Variants in LRP1 observed in about 807,000 individuals in gnomAD.
LRP1 encodes the protein prolow-density lipoprotein receptor-related protein 1.
In LRP1, 51 loss-of-function variants were observed where a neutral mutation model predicts 541.5. The ratio of observed to expected loss-of-function variants is 0.09; its 90% CI spans 0.08 to 0.12. LRP1 has a LOEUF of 0.12. Among genes scored for constraint, LRP1 ranks in the 10% least tolerant of loss-of-function variants. LRP1 has a pLI of 1.00. For synonymous variants in LRP1, 2,219 were observed against 2,470.8 expected (o/e 0.90, Z 3.02); for missense variants, 3,878 against 6,376.2 (o/e 0.61, Z 13.34).
chr12:57,200,496 G>T lies in LRP1; in HGVS notation c.10069G>T (p.Asp3357Tyr). The T allele has an allele frequency of 6.2e-7, 1 of 1,613,832 alleles. No homozygotes were observed. The highest frequency in any genetic ancestry group is 2.2e-5 in the East Asian group (1 of 44,852). ...IPFWWKCDTE[D>Y]DCGDHSDEPP... ...CTTCTGGTGGAAGTGTGACACCGAG[G>T]ACGACTGCGGGGACCACTCAGACGA... The change falls in exon 63 of 89, where the codon GAC becomes TAC. Residue 3357 changes from aspartate to tyrosine, a missense_variant. This residue lies in a region of LRP1 where 278 missense variants were observed against 536.3 expected (regional missense o/e 0.52). Coordinates refer to ENST00000243077, the MANE Select transcript of LRP1 (RefSeq NM_002332.3).
chr12:57,156,947 C>T lies in LRP1; in HGVS notation c.1561+27C>T. ...TGAGTGACAGGGAAGGGGGTGTGTGCCCATTGGGAGGCTGCGGGAGGGTTC... is the reference window on the plus strand; with the variant it reads ...TGAGTGACAGGGAAGGGGGTGTGTGTCCATTGGGAGGCTGCGGGAGGGTTC... On this transcript the variant is annotated intron_variant, in intron 10 of 88. Coordinates refer to ENST00000243077, the MANE Select transcript of LRP1 (RefSeq NM_002332.3). The surrounding 1 kb of genome is among the most constrained non-coding windows in gnomAD (Gnocchi z 5.2). 1 of 1,542,480 alleles carries T rather than the reference C, an allele frequency of 6.5e-7. No individual in the cohort carries two copies. Among genetic ancestry groups the T allele is most frequent in the Non-Finnish European group, 8.8e-7 (1 of 1,140,056 alleles).
In LRP1 at chr12:57,173,906, T is replaced by C. The variant is rs1565732809; in HGVS notation, c.3473T>C (p.Val1158Ala). 6.2e-7 allele frequency: 1 copy of C among 1,614,208 alleles called. No homozygotes were observed. The highest frequency in any genetic ancestry group is 8.5e-7 in the Non-Finnish European group (1 of 1,180,040). The change falls in exon 22 of 89, where the codon GTC (valine) becomes GCC (alanine). Residue 1158 changes from valine to alanine, a missense_variant. Transcript: ENST00000243077. The surrounding 1 kb of genome is among the most constrained non-coding windows in gnomAD (Gnocchi z 4.7). ...CACCCTTGTGCCAACAACACCTCAG[T>C]CTGCCTGCCCCCTGACAAGCTGTGT... ...PSHPCANNTS[V>A]CLPPDKLCDG... is the part of the protein sequence containing the mutation.
chr12:57,210,732 C>T lies in LRP1; in HGVS notation c.12769C>T (p.Arg4257Trp). 1 of 1,609,544 alleles carries T rather than the reference C, an allele frequency of 6.2e-7. No individual in the cohort carries two copies. The highest frequency in any genetic ancestry group is 8.5e-7 in the Non-Finnish European group (1 of 1,176,698). ...AASPSGMPTC[R>W]CPTGFTGPKC... ...TCTCCCACCAGGCATGCCCACGTGC[C>T]GGTGCCCCACGGGCTTCACGGGCCC... The change falls in exon 83 of 89, where the codon CGG becomes TGG. Residue 4257 changes from arginine (R) to tryptophan (W), a missense_variant. By Grantham distance (101) the Arg-to-Trp change is moderately radical. This residue lies in a region of LRP1 where 871 missense variants were observed against 1,212.4 expected (regional missense o/e 0.72). Transcript: ENST00000243077.
At chr12:57,160,713 T>A (rs952795444) in intron 12 of LRP1, among the ~76,000 whole-genome samples, 180 bp from the exon 13 acceptor site, 7 of 152,180 alleles carry the variant, frequency 4.6e-5, no homozygotes, top group Non-Finnish European at 1.0e-4. Flanking sequence ...TGTGCCCAAC[T>A]TACAGGCACT....
At chr12:57,133,674 C>T (rs1401064161) in intron 1 of LRP1, among the ~76,000 whole-genome samples, 1 of 145,364 alleles carries the variant, frequency 6.9e-6, no homozygotes, top group Admixed American at 7.0e-5. Context: ...ACTCTGTTCC[C>T]TTAGCTATAT....
rs143084495 is a variant in LRP1 at position 57,196,268 on chromosome 12, C to T, written c.8883C>T (p.Ile2961=). The T allele has an allele frequency of 4.5e-4, 715 of 1,589,082 alleles. 1 individual carries two copies. The highest frequency in any genetic ancestry group is 5.6e-4 in the Non-Finnish European group (647 of 1,163,836). Residue 2961 remains isoleucine, a synonymous_variant, in exon 55 of 89, where the codon ATC becomes ATT. Transcript: ENST00000243077. ...GCSQDCEDLK[I]GFKCRCRPGF... ...GCCAGGACTGTGAGGACCTCAAGAT[C>T]GGCTTCAAGGTATGCCCAGCCCTGG...
Position 57,175,515 on chromosome 12 carries a change from C to G in LRP1, c.3603C>G (p.Gly1201=). The G allele has an allele frequency of 6.2e-7, 1 of 1,614,054 alleles. No homozygotes were observed. Among genetic ancestry groups the G allele is most frequent in the Non-Finnish European group, 8.5e-7 (1 of 1,180,020 alleles). ...GCSHNCSVAP[G]EGIVCSCPLG... Reference sequence around the variant, plus strand: ...GCCACAACTGCTCAGTGGCACCTGGCGAAGGCATTGTGTGTTCCTGCCCTC... The same window carrying G: ...GCCACAACTGCTCAGTGGCACCTGGGGAAGGCATTGTGTGTTCCTGCCCTC... The change falls in exon 23 of 89, where the codon GGC becomes GGG. Residue 1201 remains glycine, a synonymous_variant. Coordinates refer to ENST00000243077, the MANE Select transcript of LRP1 (RefSeq NM_002332.3).
Position 57,162,185 on chromosome 12 carries a change from C to A in LRP1, c.2203-132C>A. On this transcript the variant is annotated intron_variant, in intron 13 of 88. Transcript: ENST00000243077. This position sits in a 1 kb window ranked among gnomAD's most constrained non-coding sequence, Gnocchi z 5.2. ...TGTGCAAAACTATCACTCTCTGGGG[C>A]TCCCAGGCTAATGGGGGAAACAAAG... The A allele has an allele frequency of 5.2e-6, 4 of 775,852 alleles. No homozygotes were observed. Among genetic ancestry groups the A allele is most frequent in the Non-Finnish European group, 8.9e-6 (4 of 449,754 alleles). The allele number at this position is 775,852 out of a possible 1,614,324, so 48.1% of individuals were successfully genotyped here.
At position 57,210,895 on chromosome 12, in the gene LRP1, C is replaced by A; in HGVS notation, c.12916+16C>A. ...TGCCAGTACCGTGAGTGAGCCATCC[C>A]TGGGCCCCAGGGCATGCGGGAGGGT... On this transcript the variant is annotated intron_variant, in intron 83 of 88. Coordinates refer to ENST00000243077, the MANE Select transcript of LRP1 (RefSeq NM_002332.3). 1 of 1,604,136 alleles carries A rather than the reference C, an allele frequency of 6.2e-7. No individual in the cohort carries two copies.
intron 61 of LRP1, 82 bp from the exon 62 acceptor site, chr12:57,199,795 C>A (rs1415519361): frequency 1.5e-5 from 22 of 1,478,880 alleles, no homozygotes; most frequent in Non-Finnish European, 1.9e-5. Flanking sequence ...GACCCACCCG[C>A]CTCTGTCCAG....
Position 57,192,835 on chromosome 12 carries a change from C to A in LRP1, c.7430-10C>A. ...CTCTCCAGCCCTGCGCCCACCCTGT[C>A]CCTGCTCAGGTGAACTCTCTCCATG... On this transcript the variant is annotated splice_polypyrimidine_tract_variant and intron_variant, in intron 44 of 88. Transcript: ENST00000243077. 1 of 1,614,030 alleles carries A rather than the reference C, an allele frequency of 6.2e-7. No homozygotes were observed. The highest frequency in any genetic ancestry group is 8.5e-7 in the Non-Finnish European group (1 of 1,180,004).
At chr12:57,160,517 A>G (rs1390277912) in intron 12 of LRP1, among the ~76,000 whole-genome samples, 1 of 151,594 alleles carries the variant, frequency 6.6e-6, no homozygotes, top group Non-Finnish European at 1.5e-5. Context: ...GGCCTTCTCC[A>G]TCACTCCCCT....
At position 57,212,282 on chromosome 12, in the gene LRP1, G is replaced by A; in HGVS notation, c.13494+21G>A. 6.2e-7 allele frequency: 1 copy of A among 1,612,456 alleles called. No homozygotes were observed. ...ACAAGGTGGGCTGGGAGGCGGGCAG[G>A]GTCGAGTGCCAAGAGGCCGTGGGTG... On this transcript the variant is annotated intron_variant, in intron 88 of 88. Transcript: ENST00000243077. This position sits in a 1 kb window ranked among gnomAD's most constrained non-coding sequence, Gnocchi z 5.0.
chr12:57,208,891 C>A, intron 78 of LRP1, 74 bp downstream of exon 78: 1 of 1,319,270 alleles, frequency 7.6e-7, no homozygotes, highest in Non-Finnish European at 1.1e-6. Context: ...CTGCTGAAGT[C>A]ACACAAAAGC....
rs1565739625 is a variant in LRP1, at chr12:57,184,884, C to T, written c.6232C>T (p.Arg2078Trp). ...CGATGCACGGACAGACAAGATTGAA[C>T]GGATCGACCTGGAGACAGGTGAGAA... The part of the protein sequence containing the change: ...WCDARTDKIE[R>W]IDLETGENRE... The change falls in exon 39 of 89, where the codon CGG (arginine) becomes TGG (tryptophan). Residue 2078 changes from arginine (R) to tryptophan (W), a missense_variant. Transcript: ENST00000243077. This position sits in a 1 kb window ranked among gnomAD's most constrained non-coding sequence, Gnocchi z 7.8. 6.2e-7 allele frequency: 1 copy of T among 1,614,172 alleles called. No individual in the cohort carries two copies. Among genetic ancestry groups the T allele is most frequent in the Non-Finnish European group, 8.5e-7 (1 of 1,180,016 alleles).
Position 57,183,643 on chromosome 12 carries a change from G to C in LRP1, c.5795-132G>C, listed in dbSNP as rs1421801138. ...GGGCACTTGCTACAGCTGCCACCCTGACTCCACCTCCCCTTCAAGCACCTG... is the reference window on the plus strand; with the variant it reads ...GGGCACTTGCTACAGCTGCCACCCTCACTCCACCTCCCCTTCAAGCACCTG... On this transcript the variant is annotated intron_variant, in intron 35 of 88. Transcript: ENST00000243077. This position sits in a 1 kb window ranked among gnomAD's most constrained non-coding sequence, Gnocchi z 6.1. The C allele has an allele frequency of 6.7e-7, 1 of 1,482,604 alleles. No homozygotes were observed. The highest frequency in any genetic ancestry group is 9.1e-7 in the Non-Finnish European group (1 of 1,096,730). 91.8% of individuals were successfully genotyped at this position (1,482,604 alleles called of 1,614,324 possible). A position where few individuals can be genotyped will look rare whatever the true frequency, so the allele number is the denominator to read the frequency against.
intron 1 of LRP1, among the ~76,000 whole-genome samples, chr12:57,130,414 C>G (rs908005722): frequency 2.6e-5 from 4 of 152,056 alleles, no homozygotes; most frequent in Non-Finnish European, 4.4e-5. Flanking sequence ...TGGGGACTCT[C>G]TACCCCCCAC....
In LRP1 at chr12:57,169,137, C is replaced by T. The variant is rs1340665021; in HGVS notation, c.2996-3C>T. The stretch of plus-strand genomic sequence containing the variant: ...GCCTCTCCCCTTCTTCCCCCACCGC[C>T]AGACAATGACTGTGGGGACAACAGT... On this transcript the variant is annotated splice_polypyrimidine_tract_variant and splice_region_variant and intron_variant, in intron 19 of 88. Transcript: ENST00000243077. 1.9e-6 allele frequency: 3 copies of T among 1,599,184 alleles called. No homozygotes were observed. Among genetic ancestry groups the T allele is most frequent in the Non-Finnish European group, 2.6e-6 (3 of 1,167,866 alleles).
intron 1 of LRP1, among the ~76,000 whole-genome samples, chr12:57,136,512 C>T (rs569523534): frequency 2.8e-4 from 43 of 152,274 alleles, no homozygotes; most frequent in African/African-American, 1.0e-3. Context: ...TCATCTCACC[C>T]TCCTTGGCAC....
Sources: allele counts gnomAD v4.1 joint callset (sites outside exome capture counted in the v4.1 genomes callset), GRCh38; gene constraint gnomAD v4.1.1; regional missense constraint gnomAD v4.1.1; non-coding constraint Gnocchi (gnomAD v3.1); transcripts MANE v1.5; gene names NCBI Gene and HGNC (gene_info 2026-07-23, HGNC 2026-07-21).